SKIDA1: variants seen among roughly 807,000 people sequenced by gnomAD.
The protein encoded by SKIDA1 is SKI/DACH domain containing 1.
Under a neutral mutation model 51.4 loss-of-function variants are expected in SKIDA1, and 18 were observed. The observed-to-expected ratio is 0.35, with a 90% CI of 0.24 to 0.52. The LOEUF (loss-of-function observed/expected upper bound fraction) is 0.52. SKIDA1 is among the 20% of genes least tolerant of loss of function. The probability of loss-of-function intolerance (pLI) is 0.95; values close to 1 mark genes in which losing one functional copy is unlikely to be tolerated. For synonymous variants in SKIDA1, 579 were observed against 500.5 expected (o/e 1.16, Z -2.09); for missense variants, 1,104 against 1,180.6 (o/e 0.94, Z 0.95).
intron 2 of SKIDA1, among the ~76,000 whole-genome samples, chr10:21,522,472 T>C (rs951585962): frequency 3.9e-5 from 6 of 152,124 alleles, no homozygotes; most frequent in African/African-American, 1.4e-4. Flanking sequence ...ATTCACAAGA[T>C]AAAAGTTTAA....
intron 2 of SKIDA1, among the ~76,000 whole-genome samples, chr10:21,522,847 C>G (rs1348483266): frequency 6.6e-6 from 1 of 152,076 alleles, no homozygotes; most frequent in South Asian, 2.1e-4. Flanking sequence ...TTTTTGCCCC[C>G]TGACCCATCT....
At chr10:21,519,970 A>C (rs2032346611) in intron 3 of SKIDA1, among the ~76,000 whole-genome samples, 1 of 152,072 alleles carries the variant, frequency 6.6e-6, no homozygotes. Context: ...GGGATTTGAA[A>C]AGTCAGCCCC....
chr10:21,518,422 CT>C lies in SKIDA1; in HGVS notation c.-601del, dbSNP rs2032303863. On this transcript the variant is annotated 5_prime_UTR_variant, in exon 4 of 4. An upstream open reading frame in the 5' UTR gains an earlier in-frame stop. Transcript: ENST00000449193. ...AATTAGCATACCCTTATACTGCCAC[CT>C]CCCCTCCCAAAGTAAATAATACAGT... 1 of 166,884 alleles carries C rather than the reference CT, an allele frequency of 6.0e-6. No individual in the cohort carries two copies. The highest frequency in any genetic ancestry group is 1.9e-4 in the East Asian group (1 of 5,198). 10.3% of individuals were successfully genotyped at this position (166,884 alleles called of 1,614,324 possible).
In SKIDA1 at chr10:21,516,589, C is replaced by T; in HGVS notation, c.1234G>A (p.Glu412Lys). The change falls in exon 4 of 4, where the codon GAG (glutamate) becomes AAG (lysine). Residue 412 changes from glutamate (E) to lysine (K), a missense_variant. Physicochemically the swap from Glu to Lys is moderately conservative, Grantham distance 56. Transcript: ENST00000449193. The surrounding 1 kb of genome is among the most constrained non-coding windows in gnomAD (Gnocchi z 5.7). ...TCCTCTCCCTCCTCCTCCTCTTCCT[C>T]TGAGGACACAGAATTGCTGGAGCTG... is the stretch of plus-strand genomic sequence containing the variant. ...LSSSSNSVSS[E>K]EEEEEGEEEE... 1.9e-6 allele frequency: 3 copies of T among 1,552,306 alleles called. No homozygotes were observed. The highest frequency in any genetic ancestry group is 2.6e-6 in the Non-Finnish European group (3 of 1,147,342).
At position 21,517,451 on chromosome 10, in the gene SKIDA1, G is replaced by A; in HGVS notation, c.372C>T (p.Ala124=). Residue 124 remains alanine (A), a synonymous_variant, in exon 4 of 4, where the codon GCC becomes GCT. Coordinates refer to ENST00000449193, the MANE Select transcript of SKIDA1 (RefSeq NM_207371.4). The surrounding 1 kb of genome is among the most constrained non-coding windows in gnomAD (Gnocchi z 6.9). ...TCCAAAATCCCGGGCGGGGGCTGGC[G>A]GCAGCGGCGCGCTCTGGCGGCGGCG... ...TKAPPPERAA[A]ASPRPGFWKD... is the part of the protein sequence containing the mutation. The A allele has an allele frequency of 4.6e-6, 7 of 1,512,330 alleles. No individual in the cohort carries two copies. Among genetic ancestry groups the A allele is most frequent in the Non-Finnish European group, 6.2e-6 (7 of 1,134,704 alleles). The allele number at this position is 1,512,330 out of a possible 1,614,324, so 93.7% of individuals were successfully genotyped here. A position where few individuals can be genotyped will look rare whatever the true frequency, so the allele number is the denominator to read the frequency against.
chr10:21,515,604 C>T lies in SKIDA1; in HGVS notation c.2219G>A (p.Cys740Tyr). Residue 740 changes from cysteine to tyrosine, a missense_variant, in exon 4 of 4, where the codon TGC becomes TAC. By Grantham distance (194) the Cys-to-Tyr change is radical. Transcript: ENST00000449193. ...LLTTAKEGFA[C>Y]PEKETPSLNP... ...TAAGGAAGGAGTTTCTTTTTCAGGG[C>T]ATGCAAAACCTTCCTTGGCTGTGGT... 1 of 1,614,020 alleles carries T rather than the reference C, an allele frequency of 6.2e-7. No individual in the cohort carries two copies. The highest frequency in any genetic ancestry group is 8.5e-7 in the Non-Finnish European group (1 of 1,179,890).
rs1039447412 is a variant in SKIDA1, at chr10:21,516,038, G to A, written c.1785C>T (p.Leu595=). The change falls in exon 4 of 4, where the codon CTC becomes CTT. Residue 595 remains leucine, a synonymous_variant. Coordinates refer to ENST00000449193, the MANE Select transcript of SKIDA1 (RefSeq NM_207371.4). This position sits in a 1 kb window ranked among gnomAD's most constrained non-coding sequence, Gnocchi z 5.7. ...TNNAFPQQRI[L]REARKCLQTT... ...TTTGTAGGCATTTCCTAGCCTCTCG[G>A]AGTATTCTTTGTTGTGGAAATGCAT... 5 of 1,613,950 alleles carry A rather than the reference G, an allele frequency of 3.1e-6. No individual in the cohort carries two copies. Among genetic ancestry groups the A allele is most frequent in the Non-Finnish European group, 4.2e-6 (5 of 1,179,912 alleles).
Position 21,519,035 on chromosome 10 carries a change from A to C in SKIDA1, c.-1213T>G, listed in dbSNP as rs2032323236. 6.0e-6 allele frequency: 1 copy of C among 166,978 alleles called. No individual in the cohort carries two copies. Among genetic ancestry groups the C allele is most frequent in the African/African-American group, 2.4e-5 (1 of 41,372 alleles). 10.3% of individuals were successfully genotyped at this position (166,978 alleles called of 1,614,324 possible). ...TCAGACCCATAACAAAGCATAGATA[A>C]GCCAGAAATGTGTACACTTTTCCAC... On this transcript the variant is annotated 5_prime_UTR_variant, in exon 4 of 4. Coordinates refer to ENST00000449193, the MANE Select transcript of SKIDA1 (RefSeq NM_207371.4).
rs2032095180 is a variant in SKIDA1 at position 21,513,485 on chromosome 10, CAG to C, written c.*1609_*1610del. Reference sequence around the variant, plus strand: ...AATGTATGGAACCAGGAATTTTAAACAGTGTTTTTAATTGAAAATAAAGCTAA... The same window carrying C: ...AATGTATGGAACCAGGAATTTTAAACTGTTTTTAATTGAAAATAAAGCTAA... On this transcript the variant is annotated 3_prime_UTR_variant, in exon 4 of 4. Coordinates refer to ENST00000449193, the MANE Select transcript of SKIDA1 (RefSeq NM_207371.4). 6.6e-6 allele frequency: 1 copy of C among 152,552 alleles called. No homozygotes were observed. The highest frequency in any genetic ancestry group is 1.5e-5 in the Non-Finnish European group (1 of 68,040). 9.4% of individuals were successfully genotyped at this position (152,552 alleles called of 1,614,324 possible).
chr10:21,516,126 C>T lies in SKIDA1; in HGVS notation c.1697G>A (p.Arg566Lys), dbSNP rs2032195167. Residue 566 changes from arginine to lysine, a missense_variant, in exon 4 of 4, where the codon AGA becomes AAA. Around this residue, in one of 3 missense-constraint regions of SKIDA1, gnomAD observed 938 missense variants for 886.4 expected, o/e 1.06. Transcript: ENST00000449193. This position sits in a 1 kb window ranked among gnomAD's most constrained non-coding sequence, Gnocchi z 5.7. Reference sequence around the variant, plus strand: ...CAGGCAGTTAATTGTCAGGTCAGTTCTCTTTACAGCATTGGAAATTTCAGA... The same window carrying T: ...CAGGCAGTTAATTGTCAGGTCAGTTTTCTTTACAGCATTGGAAATTTCAGA... ...PHSEISNAVKRTDLTINCLAE... is the reference protein window; with the variant it reads ...PHSEISNAVKKTDLTINCLAE... 6.2e-7 allele frequency: 1 copy of T among 1,613,896 alleles called. No individual in the cohort carries two copies.
At position 21,516,403 on chromosome 10, in the gene SKIDA1, G is replaced by A. The variant is rs2032205452; in HGVS notation, c.1420C>T (p.Pro474Ser). The change falls in exon 4 of 4, where the codon CCT becomes TCT. Residue 474 changes from proline (P) to serine (S), a missense_variant. Pro to Ser is a moderately conservative substitution (Grantham distance 74). Transcript: ENST00000449193. The surrounding 1 kb of genome is among the most constrained non-coding windows in gnomAD (Gnocchi z 5.7). ...TTGGCCTGCGCCTGCACGCTGGGAG[G>A]CTTGCAGAAGCTGGTGCGCCTGAAT... ...IRFRRTSFCK[P>S]PSVQAQANFL... 3 of 1,613,476 alleles carry A rather than the reference G, an allele frequency of 1.9e-6. No homozygotes were observed. Among genetic ancestry groups the A allele is most frequent in the Non-Finnish European group, 2.5e-6 (3 of 1,179,898 alleles).
In SKIDA1 at chr10:21,515,975, T is replaced by C; in HGVS notation, c.1848A>G (p.Ile616Met). The C allele has an allele frequency of 6.2e-7, 1 of 1,613,960 alleles. No homozygotes were observed. The highest frequency in any genetic ancestry group is 8.5e-7 in the Non-Finnish European group (1 of 1,179,854). Residue 616 changes from isoleucine to methionine, a missense_variant, in exon 4 of 4, where the codon ATA becomes ATG. Transcript: ENST00000449193. ...AATCATTATTTAAGAACCTAGCAGC[T>C]ATTGTGTTGTTATCTGCACAGTGTG... ...PTTHCADNNT[I>M]AARFLNNDSS...
Position 21,516,875 on chromosome 10 carries a change from G to GGCCGCCGCCGCCGCCGCCGCCGCC in SKIDA1, c.947_948insGGCGGCGGCGGCGGCGGCGGCGGC (p.Ala311_Ala318dup), listed in dbSNP as rs1438771089. 1 of 1,290,046 alleles carries GGCCGCCGCCGCCGCCGCCGCCGCC rather than the reference G, an allele frequency of 7.8e-7. No homozygotes were observed. Among genetic ancestry groups the GGCCGCCGCCGCCGCCGCCGCCGCC allele is most frequent in the Non-Finnish European group, 9.8e-7 (1 of 1,024,260 alleles). The allele number at this position is 1,290,046 out of a possible 1,614,324, so 79.9% of individuals were successfully genotyped here. A position where few individuals can be genotyped will look rare whatever the true frequency, so the allele number is the denominator to read the frequency against. ...TCTCCAGGCAAGTGGCCCCCGCGGC[G>GGCCGCCGCCGCCGCCGCCGCCGCC]GCCGCCGCCGCCGCTGCCGCCGCCG... On this transcript the variant is annotated inframe_insertion, in exon 4 of 4. Transcript: ENST00000449193. The surrounding 1 kb of genome is among the most constrained non-coding windows in gnomAD (Gnocchi z 5.7).
At chr10:21,520,552 A>G (rs2032365570) in intron 3 of SKIDA1, among the ~76,000 whole-genome samples, 1 of 148,674 alleles carries the variant, frequency 6.7e-6, no homozygotes, top group African/African-American at 2.5e-5. Flanking sequence ...ACTCAGAAAA[A>G]GCTTTTGAGA....
chr10:21,520,562 A>G (rs1406797466), intron 3 of SKIDA1, among the ~76,000 whole-genome samples: 1 of 141,348 alleles, frequency 7.1e-6, no homozygotes, highest in Non-Finnish European at 1.5e-5. Flanking sequence ...AGCTTTTGAG[A>G]AGACAGTACA....
rs938217611 is a variant in SKIDA1 at position 21,521,269 on chromosome 10, A to G, written c.-1837+120T>C. The G allele has an allele frequency of 3.9e-5, 6 of 152,584 alleles. No individual in the cohort carries two copies. In the East Asian group the frequency reaches 1.2e-3, roughly 29 times the overall value. 9.5% of individuals were successfully genotyped at this position (152,584 alleles called of 1,614,324 possible). A position where few individuals can be genotyped will look rare whatever the true frequency, so the allele number is the denominator to read the frequency against. ...TGCATGCACACCGGGGATTTCGATC[A>G]ATAGCTACCAACATTTATGGCTTAG... On this transcript the variant is annotated intron_variant, in intron 3 of 3. Coordinates refer to ENST00000449193, the MANE Select transcript of SKIDA1 (RefSeq NM_207371.4).
chr10:21,517,860 A>G lies in SKIDA1; in HGVS notation c.-38T>C, dbSNP rs1322083674. ...ATGATCCCCACCATTTGCAGTAAAT[A>G]TATACGTGACGCATACATACACATG... is the stretch of plus-strand genomic sequence containing the variant. On this transcript the variant is annotated 5_prime_UTR_variant, in exon 4 of 4. Coordinates refer to ENST00000449193, the MANE Select transcript of SKIDA1 (RefSeq NM_207371.4). The surrounding 1 kb of genome is among the most constrained non-coding windows in gnomAD (Gnocchi z 6.9). 1 of 1,546,256 alleles carries G rather than the reference A, an allele frequency of 6.5e-7. No individual in the cohort carries two copies. The highest frequency in any genetic ancestry group is 2.3e-5 in the East Asian group (1 of 43,514).
In SKIDA1 at chr10:21,517,142, G is replaced by C. The variant is rs1246528305; in HGVS notation, c.681C>G (p.Ala227=). The C allele has an allele frequency of 1.6e-6, 2 of 1,241,550 alleles. No homozygotes were observed. Among genetic ancestry groups the C allele is most frequent in the Middle Eastern group, 3.0e-4 (1 of 3,290 alleles). 76.9% of individuals were successfully genotyped at this position (1,241,550 alleles called of 1,614,324 possible). A position where few individuals can be genotyped will look rare whatever the true frequency, so the allele number is the denominator to read the frequency against. ...LLCSKHPAAA[A]AAAAAAAAAA... ...CGGCAGCAGCGGCGGCGGCGGCGGCGGCGGCGGCTGCCGGGTGTTTGCTGC... is the reference window on the plus strand; with the variant it reads ...CGGCAGCAGCGGCGGCGGCGGCGGCCGCGGCGGCTGCCGGGTGTTTGCTGC... The change falls in exon 4 of 4, where the codon GCC becomes GCG. Residue 227 remains alanine, a synonymous_variant. Coordinates refer to ENST00000449193, the MANE Select transcript of SKIDA1 (RefSeq NM_207371.4). This position sits in a 1 kb window ranked among gnomAD's most constrained non-coding sequence, Gnocchi z 6.9.
At position 21,518,180 on chromosome 10, in the gene SKIDA1, GC is replaced by G. The variant is rs2032299646; in HGVS notation, c.-359del. 5.0e-6 allele frequency: 1 copy of G among 200,160 alleles called. No homozygotes were observed. The highest frequency in any genetic ancestry group is 2.3e-5 in the African/African-American group (1 of 42,998). 12.4% of individuals were successfully genotyped at this position (200,160 alleles called of 1,614,324 possible). A position where few individuals can be genotyped will look rare whatever the true frequency, so the allele number is the denominator to read the frequency against. On this transcript the variant is annotated 5_prime_UTR_variant, in exon 4 of 4. Coordinates refer to ENST00000449193, the MANE Select transcript of SKIDA1 (RefSeq NM_207371.4). ...CTCTATTCCTTCCTTCTCCATTGGA[GC>G]ACTATGATAATGGAATGTGAAGGGA...
Sources: gnomAD v4.1 joint callset for allele counts (sites outside exome capture counted in the v4.1 genomes callset) on GRCh38, gnomAD v4.1.1 for gene constraint, gnomAD v4.1.1 regional missense constraint, Gnocchi (gnomAD v3.1) non-coding constraint, MANE v1.5 for transcripts, NCBI Gene and HGNC (gene_info 2026-07-23, HGNC 2026-07-21) for gene names.